ZNF248: variants seen among roughly 807,000 people sequenced by gnomAD.
ZNF248 encodes the protein zinc finger protein 248, also known as KRAB protein domain.
In ZNF248, 20 loss-of-function variants were observed where a neutral mutation model predicts 44.3. The ratio of observed to expected loss-of-function variants is 0.45; its 90% CI spans 0.32 to 0.66. The LOEUF (loss-of-function observed/expected upper bound fraction) is 0.66, where lower values mean the gene tolerates loss of function less well. ZNF248 is among the 30% of genes least tolerant of loss of function. ZNF248 has a pLI of 0.04. For synonymous variants in ZNF248, 224 were observed against 229.0 expected, an observed-to-expected ratio of 0.98 and a Z score of 0.20; for missense variants, 654 against 677.0, an observed-to-expected ratio of 0.97 and a Z score of 0.38.
At chr10:37,810,086 C>A (rs977278420) in intron 6 of ZNF248, among the ~76,000 whole-genome samples, 6 of 152,144 alleles carry the variant, frequency 3.9e-5, no homozygotes, top group African/African-American at 1.4e-4. Flanking sequence ...TAAATGCAGA[C>A]CAGGTCTGGA....
At chr10:37,770,524 G>T in the ZNF248 span, among the ~76,000 whole-genome samples, 1 of 152,132 alleles carries the variant, frequency 6.6e-6, no homozygotes, top group African/African-American at 2.4e-5. Context: ...AATGGGGGAA[G>T]GATTCCCTAT....
At chr10:37,807,526 A>G (rs1229950080) in intron 6 of ZNF248, among the ~76,000 whole-genome samples, 1 of 152,210 alleles carries the variant, frequency 6.6e-6, no homozygotes, top group African/African-American at 2.4e-5. Context: ...GCTATATAGT[A>G]TCTTAACAAT....
At chr10:37,779,559 T>C (rs1011585334) in intron 6 of ZNF248, among the ~76,000 whole-genome samples, 1 of 151,358 alleles carries the variant, frequency 6.6e-6, no homozygotes, top group African/African-American at 2.4e-5. Context: ...GCCAATATCA[T>C]ACTGAATGGG....
intron 6 of ZNF248, among the ~76,000 whole-genome samples, chr10:37,800,175 G>T: frequency 6.6e-6 from 1 of 152,218 alleles, no homozygotes; most frequent in Non-Finnish European, 1.5e-5. Flanking sequence ...TAGGTAAGTT[G>T]CATGTCATGA....
intron 6 of ZNF248, among the ~76,000 whole-genome samples, chr10:37,785,220 A>ACAGT (rs1414032843): frequency 6.6e-6 from 1 of 152,170 alleles, no homozygotes; most frequent in Non-Finnish European, 1.5e-5. Flanking sequence ...CAGTAACAGC[A>ACAGT]CAGTCCTCTA....
chr10:37,854,922 A>C (rs2061008082), intron 3 of ZNF248, among the ~76,000 whole-genome samples: 1 of 152,260 alleles, frequency 6.6e-6, no homozygotes, highest in Non-Finnish European at 1.5e-5. Flanking sequence ...CATCAGAATC[A>C]GCTTAAGCTG....
chr10:37,770,112 T>G, the ZNF248 span, among the ~76,000 whole-genome samples: 154 of 152,052 alleles, frequency 1.0e-3, no homozygotes, highest in Non-Finnish European at 1.6e-3. Context: ...CACTGCTCAA[T>G]GAAATAAAAG....
intron 3 of ZNF248, among the ~76,000 whole-genome samples, chr10:37,840,748 C>CT (rs2058187458): frequency 6.6e-6 from 1 of 152,180 alleles, no homozygotes; most frequent in African/African-American, 2.4e-5. Context: ...TGCCACTGCA[C>CT]TCCAGCCTGG....
the ZNF248 span, among the ~76,000 whole-genome samples, chr10:37,770,574 G>A: frequency 1.6e-4 from 25 of 152,266 alleles, no homozygotes; most frequent in Admixed American, 1.4e-3. Context: ...GCCATATGTA[G>A]AAAGCTGAAA....
At position 37,833,080 on chromosome 10, in the gene ZNF248, C is replaced by T; in HGVS notation, c.275G>A (p.Ser92Asn). The T allele has an allele frequency of 6.2e-7, 1 of 1,609,676 alleles. No individual in the cohort carries two copies. The highest frequency in any genetic ancestry group is 1.1e-5 in the South Asian group (1 of 90,486). ...AAAATGGTCATCTTCATTTTCCTGGCTGCTCTCTAACACGTCATCAACTTT... is the reference window on the plus strand; with the variant it reads ...AAAATGGTCATCTTCATTTTCCTGGTTGCTCTCTAACACGTCATCAACTTT... Reference protein sequence around the residue: ...KWKVDDVLESSQENEDDHFWE... With the variant: ...KWKVDDVLESNQENEDDHFWE... The change falls in exon 6 of 6, where the codon AGC becomes AAC. Residue 92 changes from serine to asparagine, a missense_variant. Coordinates refer to ENST00000395867, the MANE Select transcript of ZNF248 (RefSeq NM_021045.3).
intron 6 of ZNF248, among the ~76,000 whole-genome samples, chr10:37,818,386 C>T (rs1164296717): frequency 2.0e-5 from 3 of 152,134 alleles, no homozygotes; most frequent in East Asian, 3.9e-4. Flanking sequence ...AACCTCATGC[C>T]GGGCCTTTTC....
At chr10:37,840,982 T>C (rs2134223861) in intron 3 of ZNF248, among the ~76,000 whole-genome samples, 1 of 152,254 alleles carries the variant, frequency 6.6e-6, no homozygotes, top group East Asian at 1.9e-4. Flanking sequence ...CTGAAGCAGT[T>C]GGAACAACAA....
chr10:37,764,497 C>A, the ZNF248 span, among the ~76,000 whole-genome samples: 1 of 152,130 alleles, frequency 6.6e-6, no homozygotes, highest in East Asian at 1.9e-4. Context: ...ATCTCTGTGA[C>A]CCAGACCCTA....
At chr10:37,804,571 C>T (rs986398131) in intron 6 of ZNF248, among the ~76,000 whole-genome samples, 2 of 152,154 alleles carry the variant, frequency 1.3e-5, no homozygotes, top group Non-Finnish European at 2.9e-5. Flanking sequence ...ATAGTTAGGA[C>T]TACAGGCACC....
At chr10:37,849,499 A>G (rs529479362) in intron 3 of ZNF248, among the ~76,000 whole-genome samples, 1 of 151,992 alleles carries the variant, frequency 6.6e-6, no homozygotes, top group Non-Finnish European at 1.5e-5. Context: ...CCTGGCTAAC[A>G]AGGTGAAACC....
At chr10:37,813,752 G>A (rs1208704) in intron 6 of ZNF248, among the ~76,000 whole-genome samples, 9,119 of 152,192 alleles carry the variant, frequency 0.06, 352 homozygotes, top group Middle Eastern at 0.095. Flanking sequence ...AGTTATGTGC[G>A]TGTGCATGTG....
At chr10:37,796,843 A>G (rs1589168582) in intron 6 of ZNF248, among the ~76,000 whole-genome samples, 1 of 152,192 alleles carries the variant, frequency 6.6e-6, no homozygotes, top group African/African-American at 2.4e-5. Context: ...TCAATCAATT[A>G]GAATATCAGT....
chr10:37,816,808 G>A (rs1029505667), intron 6 of ZNF248, among the ~76,000 whole-genome samples: 1 of 152,168 alleles, frequency 6.6e-6, no homozygotes, highest in Admixed American at 6.5e-5. Flanking sequence ...AAGGTGGAGA[G>A]AGTGGAATGA....
intron 6 of ZNF248, chr10:37,820,490 G>A (rs1370356541): frequency 2.5e-6 from 4 of 1,599,330 alleles, no homozygotes; most frequent in Non-Finnish European, 3.4e-6. Context: ...TCACAGTAAG[G>A]GATTGGATAA....
Sources: allele counts gnomAD v4.1 joint callset (sites outside exome capture counted in the v4.1 genomes callset), GRCh38; gene constraint gnomAD v4.1.1; transcripts MANE v1.5; gene names NCBI Gene and HGNC (gene_info 2026-07-23, HGNC 2026-07-21).